FRY: variants seen among roughly 807,000 people sequenced by gnomAD.
The protein encoded by FRY is FRY microtubule binding protein.
Under a neutral mutation model 348.4 loss-of-function variants are expected in FRY, and 128 were observed. The ratio of observed to expected loss-of-function variants is 0.37; its 90% CI spans 0.32 to 0.43. FRY has a LOEUF of 0.43. Among genes scored for constraint, FRY ranks in the 20% least tolerant of loss-of-function variants. FRY has a pLI of 1.00. For synonymous variants in FRY, 1,370 were observed against 1,374.7 expected (o/e 1.00, Z 0.08); for missense variants, 2,736 against 3,695.2 (o/e 0.74, Z 6.73).
intron 17 of FRY, among the ~76,000 whole-genome samples, chr13:32,167,271 C>A (rs1352003557): frequency 6.6e-6 from 1 of 152,156 alleles, no homozygotes; most frequent in East Asian, 1.9e-4. Context: ...AAAATTTATT[C>A]TCTCACACTT....
rs1884733032 is a variant in FRY, at chr13:32,212,310, A to G, written c.4610A>G (p.Asn1537Ser). The change falls in exon 35 of 61, where the codon AAT becomes AGT. Residue 1537 changes from asparagine to serine, a missense_variant. Around this residue, in one of 9 missense-constraint regions of FRY, gnomAD observed 794 missense variants for 977.0 expected, o/e 0.81. Coordinates refer to ENST00000542859, the MANE Select transcript of FRY (RefSeq NM_023037.3). ...AAASGTTSSS[N>S]TVVAGQENFP... ...TCTACAGGAACCACCTCTAGCAGCAATACAGTGGTTGCTGGCCAGGAAAAT... is the reference window on the plus strand; with the variant it reads ...TCTACAGGAACCACCTCTAGCAGCAGTACAGTGGTTGCTGGCCAGGAAAAT... 1.2e-6 allele frequency: 2 copies of G among 1,606,968 alleles called. No individual in the cohort carries two copies. The highest frequency in any genetic ancestry group is 2.7e-5 in the African/African-American group (2 of 74,716).
chr13:32,033,792 G>T (rs953228330), intron 1 of FRY, among the ~76,000 whole-genome samples: 1 of 152,180 alleles, frequency 6.6e-6, no homozygotes, highest in Non-Finnish European at 1.5e-5. Flanking sequence ...TTGAGGGGGA[G>T]AATGTTTTTC....
At chr13:32,236,312 TTTC>T in intron 43 of FRY, 140 bp downstream of exon 43, 1 of 651,152 alleles carries the variant, frequency 1.5e-6, no homozygotes, top group South Asian at 1.8e-5. Context: ...TGTGTAATAC[TTTC>T]TTAAGTTAAA....
chr13:32,045,125 C>T (rs1872955411), intron 1 of FRY, among the ~76,000 whole-genome samples: 1 of 152,110 alleles, frequency 6.6e-6, no homozygotes. Context: ...ACTTGCTGAA[C>T]CTGTGACTTC....
intron 3 of FRY, among the ~76,000 whole-genome samples, chr13:32,112,521 C>A (rs868801855): frequency 2.0e-5 from 3 of 152,108 alleles, no homozygotes; most frequent in Non-Finnish European, 4.4e-5. Flanking sequence ...AAACATGGCA[C>A]GTGAGTGGTC....
intron 56 of FRY, 54 bp from the exon 57 acceptor site, chr13:32,276,410 G>T (rs1221022051): frequency 1.2e-6 from 1 of 862,984 alleles, no homozygotes; most frequent in Non-Finnish European, 2.0e-6. Flanking sequence ...GTGTAGCCAT[G>T]CCTTTGTGTT....
chr13:32,266,078 G>T (rs966761563), intron 54 of FRY, among the ~76,000 whole-genome samples: 1 of 152,020 alleles, frequency 6.6e-6, no homozygotes, highest in African/African-American at 2.4e-5. Flanking sequence ...AAAAAAATGT[G>T]AAGAGAAATA....
At chr13:32,149,919 A>C in intron 14 of FRY, 85 bp downstream of exon 14, 1 of 813,446 alleles carries the variant, frequency 1.2e-6, no homozygotes, top group African/African-American at 1.7e-5. Context: ...GAATGGGATG[A>C]GGGATGTCTT....
chr13:32,197,806 C>T (rs1167998052), intron 29 of FRY, among the ~76,000 whole-genome samples: 4 of 152,136 alleles, frequency 2.6e-5, no homozygotes, highest in Non-Finnish European at 4.4e-5. Context: ...GCCAGAGTAG[C>T]GGACATTTCC....
chr13:32,255,168 T>C (rs1395087836), intron 51 of FRY, among the ~76,000 whole-genome samples: 1 of 152,144 alleles, frequency 6.6e-6, no homozygotes, highest in Non-Finnish European at 1.5e-5. Flanking sequence ...TCAGTTCACT[T>C]AAGTGAGACT....
chr13:32,243,896 AG>A (rs1213300687), intron 46 of FRY, 145 bp from the exon 47 acceptor site: 9 of 829,084 alleles, frequency 1.1e-5, no homozygotes, highest in African/African-American at 3.4e-5. Flanking sequence ...GTTCGAGACT[AG>A]GCTGGGCAAC....
rs1246652456 is a variant in FRY at position 32,275,181 on chromosome 13, A to G, written c.8286+190A>G. 6 of 519,722 alleles carry G rather than the reference A, an allele frequency of 1.2e-5. No individual in the cohort carries two copies. The Admixed American group carries it at 1.5e-4, about 13-fold the overall frequency. 32.2% of individuals were successfully genotyped at this position (519,722 alleles called of 1,614,324 possible). Reference sequence around the variant, plus strand: ...ATCACAAGGTCAGGAGATCGAGACCATCCTGGCTAACACGGTGAAACCCCG... The same window carrying G: ...ATCACAAGGTCAGGAGATCGAGACCGTCCTGGCTAACACGGTGAAACCCCG... On this transcript the variant is annotated intron_variant, in intron 56 of 60. Coordinates refer to ENST00000542859, the MANE Select transcript of FRY (RefSeq NM_023037.3).
At chr13:32,107,237 A>G (rs948701110) in intron 3 of FRY, among the ~76,000 whole-genome samples, 1 of 152,164 alleles carries the variant, frequency 6.6e-6, no homozygotes, top group East Asian at 1.9e-4. Context: ...CGTGCCTGTA[A>G]TCCCAGCTAC....
At chr13:32,276,960 G>A (rs1028370631) in intron 57 of FRY, among the ~76,000 whole-genome samples, 3 of 152,148 alleles carry the variant, frequency 2.0e-5, no homozygotes, top group Non-Finnish European at 4.4e-5. Context: ...TGGAGGCTGC[G>A]TCTGCCAGTC....
At position 32,261,602 on chromosome 13, in the gene FRY, T is replaced by C. The variant is rs770621916; in HGVS notation, c.7417-14T>C. On this transcript the variant is annotated splice_polypyrimidine_tract_variant and intron_variant, in intron 51 of 60. Transcript: ENST00000542859. ...GATTTTGGCATAAAAAACCGGCTGA[T>C]GGTGTGATTTCAGGGTGAGAGTATG... The C allele has an allele frequency of 2.2e-5, 36 of 1,611,986 alleles. No homozygotes were observed. The highest frequency in any genetic ancestry group is 3.0e-5 in the Non-Finnish European group (35 of 1,177,998).
intron 2 of FRY, among the ~76,000 whole-genome samples, chr13:32,079,394 C>A (rs926229235): frequency 2.0e-5 from 3 of 151,988 alleles, no homozygotes; most frequent in South Asian, 2.1e-4. Context: ...ATGGCAAAAT[C>A]TTTTGTCCAG....
intron 55 of FRY, among the ~76,000 whole-genome samples, chr13:32,268,098 A>G (rs1888008422): frequency 6.6e-6 from 1 of 152,154 alleles, no homozygotes; most frequent in Non-Finnish European, 1.5e-5. Context: ...ACACCCTAGC[A>G]TCTTGCACAC....
At chr13:32,211,467 GA>G (rs1884682109) in intron 34 of FRY, among the ~76,000 whole-genome samples, 1 of 152,184 alleles carries the variant, frequency 6.6e-6, no homozygotes, top group East Asian at 1.9e-4. Flanking sequence ...TCAAAAAAAA[GA>G]GAATAACTGA....
At chr13:32,117,610 G>T in intron 4 of FRY, 137 bp downstream of exon 4, 1 of 850,834 alleles carries the variant, frequency 1.2e-6, no homozygotes, top group South Asian at 1.4e-5. Context: ...CAGGGGCCCT[G>T]TGTCTGTAGC....
Sources: gnomAD v4.1 joint callset for allele counts (sites outside exome capture counted in the v4.1 genomes callset) on GRCh38, gnomAD v4.1.1 for gene constraint, gnomAD v4.1.1 regional missense constraint, MANE v1.5 for transcripts, NCBI Gene and HGNC (gene_info 2026-07-23, HGNC 2026-07-21) for gene names.